COL5A2: variants seen among roughly 807,000 people sequenced by gnomAD.
COL5A2 encodes the protein collagen alpha-2(V) chain.
COL5A2 carries 23 observed loss-of-function variants against 208.2 expected under a neutral mutation model. The ratio of observed to expected loss-of-function variants is 0.11; its 90% CI spans 0.08 to 0.16. The LOEUF is 0.16. Ranked by LOEUF, COL5A2 falls within the 10% of genes least tolerant of loss-of-function variation. The probability of loss-of-function intolerance (pLI) is 1.00; values close to 1 mark genes in which losing one functional copy is unlikely to be tolerated. For missense variants in COL5A2, 1,590 were observed against 1,956.4 expected (o/e 0.81, Z 3.53); for synonymous variants, 625 against 628.5 (o/e 0.99, Z 0.08).
intron 35 of COL5A2, 130 bp from the exon 36 acceptor site, chr2:189,054,342 A>G (rs1243170490): frequency 2.8e-5 from 19 of 677,624 alleles, no homozygotes; most frequent in Non-Finnish European, 4.8e-5. Flanking sequence ...ATCATTATCT[A>G]TAATAAATGA....
chr2:189,197,803 C>T (rs1341940397), intron 1 of COL5A2, among the ~76,000 whole-genome samples: 1 of 151,520 alleles, frequency 6.6e-6, no homozygotes, highest in East Asian at 1.9e-4. Flanking sequence ...TGGCCAGATG[C>T]TTCAAATTAA....
chr2:189,297,205 A>G, the COL5A2 span, among the ~76,000 whole-genome samples: 5,609 of 152,294 alleles, frequency 0.037, 117 homozygotes, highest in Admixed American at 0.05. Flanking sequence ...AGGATAATTA[A>G]TTCAATACAA....
At chr2:189,104,375 A>G in intron 2 of COL5A2, 98 bp from the exon 3 acceptor site, 1 of 876,984 alleles carries the variant, frequency 1.1e-6, no homozygotes, top group South Asian at 1.3e-5. Context: ...TTCTGGAGTC[A>G]GAATTACAGT....
the COL5A2 span, among the ~76,000 whole-genome samples, chr2:189,389,374 A>G: frequency 6.6e-6 from 1 of 152,318 alleles, no homozygotes; most frequent in Admixed American, 6.5e-5. Flanking sequence ...TCAGACAAAA[A>G]TACAGAAGAA....
chr2:189,352,593 C>T, the COL5A2 span, among the ~76,000 whole-genome samples: 1 of 152,136 alleles, frequency 6.6e-6, no homozygotes, highest in African/African-American at 2.4e-5. Context: ...GCATAAATGT[C>T]TTCTTTTGAG....
chr2:189,301,814 A>C, the COL5A2 span, among the ~76,000 whole-genome samples: 1 of 152,198 alleles, frequency 6.6e-6, no homozygotes, highest in Admixed American at 6.5e-5. Context: ...TTAGAAAACT[A>C]ATTATTACCT....
chr2:189,149,787 T>C (rs1688110523), intron 1 of COL5A2, among the ~76,000 whole-genome samples: 1 of 152,200 alleles, frequency 6.6e-6, no homozygotes, highest in Non-Finnish European at 1.5e-5. Flanking sequence ...CATTAGAAAT[T>C]TCTATCATCA....
chr2:189,397,021 T>A, the COL5A2 span, among the ~76,000 whole-genome samples: 20 of 148,192 alleles, frequency 1.3e-4, no homozygotes, highest in African/African-American at 4.5e-4. Context: ...ATAAATGAGA[T>A]AATTATATAA....
At chr2:189,045,761 T>G (rs749631980) in intron 46 of COL5A2, 39 bp downstream of exon 46, 3 of 1,484,354 alleles carry the variant, frequency 2.0e-6, no homozygotes, top group Non-Finnish European at 2.8e-6. Context: ...AGCATATGGG[T>G]GTGCAAAACT....
At chr2:189,115,576 T>A (rs1687372832) in intron 1 of COL5A2, among the ~76,000 whole-genome samples, 1 of 152,116 alleles carries the variant, frequency 6.6e-6, no homozygotes, top group African/African-American at 2.4e-5. Flanking sequence ...TTAACTAAAG[T>A]TCTTTCAAGC....
chr2:189,249,492 T>G, the COL5A2 span, among the ~76,000 whole-genome samples: 1 of 152,222 alleles, frequency 6.6e-6, no homozygotes, highest in Non-Finnish European at 1.5e-5. Flanking sequence ...TGAGTATAAT[T>G]GAAGTACAAT....
chr2:189,118,040 A>G (rs1687429360), intron 1 of COL5A2, among the ~76,000 whole-genome samples: 1 of 152,002 alleles, frequency 6.6e-6, no homozygotes, highest in Admixed American at 6.6e-5. Context: ...TCTAAAGTCA[A>G]TTGTTAAGAA....
chr2:189,286,382 G>A, the COL5A2 span, among the ~76,000 whole-genome samples: 1 of 152,180 alleles, frequency 6.6e-6, no homozygotes, highest in African/African-American at 2.4e-5. Flanking sequence ...ATAACTTACA[G>A]TGAATGGAAA....
chr2:189,337,404 G>C, the COL5A2 span, among the ~76,000 whole-genome samples: 1 of 151,650 alleles, frequency 6.6e-6, no homozygotes, highest in Non-Finnish European at 1.5e-5. Flanking sequence ...GGATGGTCTC[G>C]ATCTCCTGAC....
At chr2:189,075,514 A>C in intron 16 of COL5A2, 77 bp from the exon 17 acceptor site, 1 of 1,151,612 alleles carries the variant, frequency 8.7e-7, no homozygotes, top group Non-Finnish European at 1.3e-6. Context: ...CCTTATAAAA[A>C]ATTTCCATAT....
At chr2:189,416,571 G>A in the COL5A2 span, among the ~76,000 whole-genome samples, 33 of 152,256 alleles carry the variant, frequency 2.2e-4, no homozygotes, top group South Asian at 2.1e-3. Flanking sequence ...TGGGGTAGGA[G>A]GAAGGGGGAG....
At chr2:189,108,913 A>G (rs1385208291) in intron 2 of COL5A2, among the ~76,000 whole-genome samples, 1 of 148,348 alleles carries the variant, frequency 6.7e-6, no homozygotes, top group Non-Finnish European at 1.5e-5. Context: ...TTCTTTTCTG[A>G]CCATTACTTA....
intron 1 of COL5A2, among the ~76,000 whole-genome samples, chr2:189,113,466 T>C (rs1215152402): frequency 2.6e-5 from 4 of 151,780 alleles, no homozygotes; most frequent in East Asian, 1.9e-4. Flanking sequence ...AGCATATGTG[T>C]TCCTTTCTGT....
intron 43 of COL5A2, 125 bp downstream of exon 43, chr2:189,050,444 C>G: frequency 1.3e-6 from 1 of 778,442 alleles, no homozygotes; most frequent in East Asian, 2.7e-5. Flanking sequence ...TTTTAAGAGA[C>G]TCAAAAATTA....
Sources: allele counts gnomAD v4.1 joint callset (sites outside exome capture counted in the v4.1 genomes callset), GRCh38; gene constraint gnomAD v4.1.1; transcripts MANE v1.5; gene names NCBI Gene and HGNC (gene_info 2026-07-23, HGNC 2026-07-21).